The following FAM135A variants were observed in gnomAD, a reference collection of about 807,000 sequenced individuals.
FAM135A encodes the protein protein FAM135A.
FAM135A carries 79 observed loss-of-function variants against 146.8 expected under a neutral mutation model. That is an observed-to-expected ratio of 0.54 (90% CI 0.45 to 0.65). The LOEUF (loss-of-function observed/expected upper bound fraction) is 0.65. Ranked by LOEUF, FAM135A falls within the 30% of genes least tolerant of loss-of-function variation. The probability of loss-of-function intolerance (pLI) is 0.00; values close to 1 mark genes in which losing one functional copy is unlikely to be tolerated. For missense variants in FAM135A, 1,623 were observed against 1,758.2 expected, an observed-to-expected ratio of 0.92 and a Z score of 1.38; for synonymous variants, 562 against 603.6, an observed-to-expected ratio of 0.93 and a Z score of 1.01.
At chr6:70,434,338 T>C (rs780443664) in intron 4 of FAM135A, among the ~76,000 whole-genome samples, 7 of 152,230 alleles carry the variant, frequency 4.6e-5, no homozygotes, top group Admixed American at 1.3e-4. Flanking sequence ...AATTTTTCTT[T>C]GTTTGGAGAT....
chr6:70,548,412 T>G (rs761890776), intron 20 of FAM135A, among the ~76,000 whole-genome samples: 5 of 152,326 alleles, frequency 3.3e-5, no homozygotes, highest in African/African-American at 1.2e-4. Context: ...ATTTAATCAG[T>G]ATCAGAATTT....
chr6:70,470,469 G>A (rs1320343718), intron 5 of FAM135A, among the ~76,000 whole-genome samples: 1 of 152,128 alleles, frequency 6.6e-6, no homozygotes, highest in East Asian at 1.9e-4. Flanking sequence ...CAGTTCTCCT[G>A]CCTCAGCCTC....
intron 5 of FAM135A, among the ~76,000 whole-genome samples, chr6:70,458,802 A>C (rs1778870638): frequency 6.6e-6 from 1 of 152,170 alleles, no homozygotes; most frequent in African/African-American, 2.4e-5. Context: ...CAGCAGTCTG[A>C]AAAAACAAGG....
At chr6:70,499,114 C>G (rs1427013360) in intron 11 of FAM135A, among the ~76,000 whole-genome samples, 1 of 152,164 alleles carries the variant, frequency 6.6e-6, no homozygotes, top group African/African-American at 2.4e-5. Context: ...GAGTCTAAGT[C>G]TCTTTGTAGG....
chr6:70,455,285 A>G (rs1462254205), intron 5 of FAM135A, among the ~76,000 whole-genome samples: 1 of 152,054 alleles, frequency 6.6e-6, no homozygotes, highest in African/African-American at 2.4e-5. Context: ...CGTTATCCTG[A>G]GACTAATGTT....
rs917451780 is a variant in FAM135A, at chr6:70,437,285, A to G, written c.77+8866A>G. Reference sequence around the variant, plus strand: ...GAGGTAACCAATAAATTGGCTAGATAATCAGACAGTAAGTATAGACGTTTC... The same window carrying G: ...GAGGTAACCAATAAATTGGCTAGATGATCAGACAGTAAGTATAGACGTTTC... On this transcript the variant is annotated intron_variant, in intron 4 of 21. Transcript: ENST00000418814. Among the ~76,000 whole-genome samples the G allele has an allele frequency of 2.0e-5, 3 of 152,170 alleles. No homozygotes were observed. The East Asian group carries it at 5.8e-4, about 29-fold the overall frequency.
chr6:70,534,997 A>C (rs1168321785), intron 18 of FAM135A, among the ~76,000 whole-genome samples: 1 of 152,204 alleles, frequency 6.6e-6, no homozygotes, highest in Non-Finnish European at 1.5e-5. Context: ...GGATCTTAAA[A>C]TCTTGTTAGC....
At chr6:70,453,091 T>A (rs923833169) in intron 5 of FAM135A, among the ~76,000 whole-genome samples, 2 of 152,124 alleles carry the variant, frequency 1.3e-5, no homozygotes, top group African/African-American at 4.8e-5. Context: ...ATTAAAGGGG[T>A]TAAGTTAAAA....
chr6:70,449,684 C>T (rs985451645), intron 4 of FAM135A, among the ~76,000 whole-genome samples: 1 of 151,976 alleles, frequency 6.6e-6, no homozygotes, highest in East Asian at 1.9e-4. Context: ...AAGGTTGCTT[C>T]CATTATCTTA....
At chr6:70,426,173 G>A (rs1770094738) in intron 2 of FAM135A, among the ~76,000 whole-genome samples, 1 of 151,784 alleles carries the variant, frequency 6.6e-6, no homozygotes. Context: ...TATTCATGAG[G>A]GTTCCTACTG....
intron 2 of FAM135A, among the ~76,000 whole-genome samples, chr6:70,421,082 A>G (rs1438191832): frequency 1.3e-5 from 2 of 151,990 alleles, no homozygotes; most frequent in Non-Finnish European, 2.9e-5. Flanking sequence ...CGGTTTTGCC[A>G]TGTTGCCCAG....
chr6:70,452,810 A>G (rs933226605), intron 5 of FAM135A, among the ~76,000 whole-genome samples: 2 of 152,190 alleles, frequency 1.3e-5, no homozygotes, highest in Non-Finnish European at 2.9e-5. Context: ...CATGAAAACA[A>G]ATGTAGGATT....
intron 5 of FAM135A, among the ~76,000 whole-genome samples, chr6:70,465,631 C>G (rs140980065): frequency 6.6e-6 from 1 of 152,094 alleles, no homozygotes; most frequent in South Asian, 2.1e-4. Flanking sequence ...CCTCCTGCCT[C>G]GGCCTCCTAA....
At chr6:70,419,398 G>A (rs987635400) in intron 2 of FAM135A, among the ~76,000 whole-genome samples, 1 of 147,698 alleles carries the variant, frequency 6.8e-6, no homozygotes, top group Non-Finnish European at 1.5e-5. Context: ...CAGCCTGGGT[G>A]ACAGAGCGAG....
At chr6:70,463,883 C>T (rs1016631227) in intron 5 of FAM135A, among the ~76,000 whole-genome samples, 3 of 152,128 alleles carry the variant, frequency 2.0e-5, no homozygotes, top group Admixed American at 1.3e-4. Context: ...TCTATCATTG[C>T]CCTTTAATTG....
chr6:70,502,590 C>T, intron 11 of FAM135A, 46 bp from the exon 12 acceptor site: 1 of 1,555,474 alleles, frequency 6.4e-7, no homozygotes, highest in Non-Finnish European at 8.8e-7. Flanking sequence ...AAGTATGTTA[C>T]ATTAAATCTT....
chr6:70,486,509 T>C (rs556915156), intron 10 of FAM135A, among the ~76,000 whole-genome samples: 5 of 152,214 alleles, frequency 3.3e-5, no homozygotes, highest in Non-Finnish European at 5.9e-5. Context: ...TTTTTTAAAG[T>C]TTCTATGAAG....
chr6:70,535,661 G>A (rs993347724), intron 18 of FAM135A, among the ~76,000 whole-genome samples: 1 of 152,038 alleles, frequency 6.6e-6, no homozygotes, highest in Non-Finnish European at 1.5e-5. Context: ...AAAAGGTTGG[G>A]GACCACTGAT....
chr6:70,520,802 A>T (rs920593169), intron 12 of FAM135A, among the ~76,000 whole-genome samples: 2 of 152,206 alleles, frequency 1.3e-5, no homozygotes, highest in African/African-American at 4.8e-5. Flanking sequence ...ATGGCCACAC[A>T]CTACAGTTAA....
Sources: allele counts gnomAD v4.1 joint callset (sites outside exome capture counted in the v4.1 genomes callset), GRCh38; gene constraint gnomAD v4.1.1; transcripts MANE v1.5; gene names NCBI Gene and HGNC (gene_info 2026-07-23, HGNC 2026-07-21).